DAB1: variants seen among roughly 807,000 people sequenced by gnomAD.
DAB1 encodes DAB adaptor protein 1, also known as disabled homolog 1.
In DAB1, 15 loss-of-function variants were observed where a neutral mutation model predicts 64.6. The ratio of observed to expected loss-of-function variants is 0.23; its 90% CI spans 0.16 to 0.36. The LOEUF is 0.36. Among genes scored for constraint, DAB1 ranks in the 10% least tolerant of loss-of-function variants. DAB1 has a pLI of 1.00. For missense variants in DAB1, 596 were observed against 706.7 expected (o/e 0.84, Z 1.78); for synonymous variants, 235 against 251.9 (o/e 0.93, Z 0.64).
intron 4 of DAB1, among the ~76,000 whole-genome samples, chr1:58,318,582 T>C (rs1006115596): frequency 3.9e-5 from 6 of 152,182 alleles, no homozygotes; most frequent in Non-Finnish European, 5.9e-5. Context: ...GAGGAAACTG[T>C]CCTAGAAGCC....
At chr1:57,960,848 C>T (rs1645503628) in intron 5 of DAB1, among the ~76,000 whole-genome samples, 1 of 152,244 alleles carries the variant, frequency 6.6e-6, no homozygotes, top group Non-Finnish European at 1.5e-5. Flanking sequence ...CAGACCCCAG[C>T]CTCAACCCTT....
chr1:57,175,463 T>G (rs1022572772), intron 2 of DAB1, among the ~76,000 whole-genome samples: 3 of 152,086 alleles, frequency 2.0e-5, no homozygotes, highest in African/African-American at 4.8e-5. Context: ...GTCAATTCTT[T>G]GCCATATAAT....
intron 1 of DAB1, among the ~76,000 whole-genome samples, chr1:57,339,759 TGAATTTAAA>T (rs1677418380): frequency 6.6e-6 from 1 of 152,210 alleles, no homozygotes; most frequent in Non-Finnish European, 1.5e-5. Flanking sequence ...AAATACGGGT[TGAATTTAAA>T]AATTAATATA....
At chr1:58,232,745 G>A (rs1324635011) in intron 4 of DAB1, among the ~76,000 whole-genome samples, 1 of 152,160 alleles carries the variant, frequency 6.6e-6, no homozygotes, top group Non-Finnish European at 1.5e-5. Flanking sequence ...CTGATAGAGA[G>A]TGACAAGGGA....
At chr1:58,151,363 T>G (rs1557672759) in intron 4 of DAB1, among the ~76,000 whole-genome samples, 1 of 152,226 alleles carries the variant, frequency 6.6e-6, no homozygotes, top group Admixed American at 6.5e-5. Flanking sequence ...TGTTGTTTCC[T>G]GACTTTTTAA....
intron 5 of DAB1, among the ~76,000 whole-genome samples, chr1:58,065,498 G>A (rs969187159): frequency 2.0e-5 from 3 of 152,168 alleles, no homozygotes; most frequent in African/African-American, 7.2e-5. Context: ...AACTGGGTGT[G>A]AGGGGAAACA....
At chr1:58,057,291 G>C (rs1164185961) in intron 5 of DAB1, among the ~76,000 whole-genome samples, 2 of 151,978 alleles carry the variant, frequency 1.3e-5, no homozygotes, top group African/African-American at 4.8e-5. Context: ...CACCCCCATT[G>C]TACTGGGTTG....
intron 3 of DAB1, among the ~76,000 whole-genome samples, chr1:58,418,152 C>T (rs1237481050): frequency 1.3e-5 from 2 of 152,202 alleles, no homozygotes; most frequent in Non-Finnish European, 2.9e-5. Context: ...CCTATTCTCT[C>T]ACCCTCTCTT....
intron 5 of DAB1, among the ~76,000 whole-genome samples, chr1:58,064,725 T>G (rs1056289872): frequency 8.6e-5 from 13 of 151,902 alleles, no homozygotes; most frequent in Non-Finnish European, 1.5e-5. Flanking sequence ...ATGTATTTAT[T>G]TATTTATTTA....
intron 5 of DAB1, among the ~76,000 whole-genome samples, chr1:57,071,982 A>T (rs1651509646): frequency 6.6e-6 from 1 of 151,974 alleles, no homozygotes; most frequent in Non-Finnish European, 1.5e-5. Flanking sequence ...CTATGAACGC[A>T]AGGAAACTTA....
At chr1:57,059,111 G>A (rs1309223054) in intron 9 of DAB1, among the ~76,000 whole-genome samples, 1 of 152,152 alleles carries the variant, frequency 6.6e-6, no homozygotes, top group African/African-American at 2.4e-5. Flanking sequence ...CTAGAGCACT[G>A]CCTGAAATAG....
In DAB1 at chr1:58,048,672, C is replaced by A. The variant is rs565172161; in HGVS notation, n.387+101839G>T. On this transcript the variant is annotated intron_variant and non_coding_transcript_variant, in intron 5 of 20. Coordinates refer to the DAB1 transcript ENST00000485760. Reference sequence around the variant, plus strand: ...AAGTTGTCATTCCCACTGAAACCACCTCCACGACCACCACCAAAGTTTCCA... The same window carrying A: ...AAGTTGTCATTCCCACTGAAACCACATCCACGACCACCACCAAAGTTTCCA... 7.7e-6 allele frequency: 10 copies of A among 1,296,796 alleles called. No homozygotes were observed. In the South Asian group the frequency reaches 9.4e-5, roughly 12 times the overall value. 80.3% of individuals were successfully genotyped at this position (1,296,796 alleles called of 1,614,324 possible). A position where few individuals can be genotyped will look rare whatever the true frequency, so the allele number is the denominator to read the frequency against.
chr1:58,346,103 A>G (rs1643994693), intron 3 of DAB1, among the ~76,000 whole-genome samples: 1 of 152,218 alleles, frequency 6.6e-6, no homozygotes, highest in Admixed American at 6.5e-5. Context: ...GGTGAAACGG[A>G]AAACATTTTG....
At chr1:57,868,750 T>C (rs1654410935) in intron 1 of DAB1, among the ~76,000 whole-genome samples, 1 of 152,148 alleles carries the variant, frequency 6.6e-6, no homozygotes, top group Non-Finnish European at 1.5e-5. Context: ...AGGCACTTTA[T>C]GCCCTTTGAA....
chr1:58,233,746 A>G (rs933130662), intron 4 of DAB1, among the ~76,000 whole-genome samples: 1 of 152,200 alleles, frequency 6.6e-6, no homozygotes, highest in African/African-American at 2.4e-5. Context: ...CTTCCCTTCA[A>G]GCTACTCTGA....
At position 58,013,137 on chromosome 1, in the gene DAB1, G is replaced by A. The variant is rs186307970; in HGVS notation, n.388-128975C>T. Among the ~76,000 whole-genome samples, 426 of 152,294 alleles carry A rather than the reference G, an allele frequency of 2.8e-3. 2 individuals carry two copies. The highest frequency in any genetic ancestry group is 9.9e-3 in the African/African-American group (413 of 41,574). On this transcript the variant is annotated intron_variant and non_coding_transcript_variant, in intron 5 of 20. Transcript: ENST00000485760. Reference sequence around the variant, plus strand: ...GCACAGTCTCGTCAGTCTGTGATATGAGAAACCTTTGTGGTATTAAGCTAT... The same window carrying A: ...GCACAGTCTCGTCAGTCTGTGATATAAGAAACCTTTGTGGTATTAAGCTAT...
At chr1:57,806,057 C>T (rs749962507) in intron 6 of DAB1, among the ~76,000 whole-genome samples, 3 of 152,142 alleles carry the variant, frequency 2.0e-5, no homozygotes, top group African/African-American at 2.4e-5. Context: ...CAACGGCTTC[C>T]CATTTCACAC....
intron 7 of DAB1, among the ~76,000 whole-genome samples, chr1:57,576,569 T>G (rs1645251939): frequency 6.6e-6 from 1 of 152,180 alleles, no homozygotes; most frequent in African/African-American, 2.4e-5. Context: ...AAGGAAGGAT[T>G]ATCTCCTACA....
chr1:58,530,577 T>G, intron 1 of DAB1: 3 of 865,950 alleles, frequency 3.5e-6, no homozygotes, highest in Non-Finnish European at 6.0e-6. Flanking sequence ...CTATGATCAA[T>G]TCAAGTTATT....
Sources: gnomAD v4.1 joint callset for allele counts (sites outside exome capture counted in the v4.1 genomes callset) on GRCh38, gnomAD v4.1.1 for gene constraint, MANE v1.5 for transcripts, NCBI Gene and HGNC (gene_info 2026-07-23, HGNC 2026-07-21) for gene names.